The following DLGAP5 variants were observed in gnomAD, a reference collection of about 807,000 sequenced individuals.
DLGAP5 encodes the protein disks large-associated protein 5.
A neutral mutation model predicts 99.6 loss-of-function variants in DLGAP5; 90 were observed. The ratio of observed to expected loss-of-function variants is 0.90; its 90% CI spans 0.76 to 1.08. The LOEUF (loss-of-function observed/expected upper bound fraction) is 1.08. Among genes scored for constraint, DLGAP5 ranks in the 50% least tolerant of loss-of-function variants. DLGAP5 has a pLI of 0.00. For missense variants in DLGAP5, 1,036 were observed against 983.5 expected (o/e 1.05, Z -0.71); for synonymous variants, 311 against 321.3 (o/e 0.97, Z 0.34).
intron 14 of DLGAP5, among the ~76,000 whole-genome samples, chr14:55,155,379 T>C (rs1882175905): frequency 6.9e-6 from 1 of 144,522 alleles, no homozygotes; most frequent in African/African-American, 2.6e-5. Flanking sequence ...GGAGTTTCAT[T>C]CTTGTTGCCC....
intron 15 of DLGAP5, among the ~76,000 whole-genome samples, chr14:55,153,470 G>A (rs1483312498): frequency 3.3e-5 from 5 of 151,356 alleles, no homozygotes; most frequent in South Asian, 4.2e-4. Flanking sequence ...GAACCTGGGA[G>A]GCGGAGGTTG....
intron 14 of DLGAP5, among the ~76,000 whole-genome samples, chr14:55,155,435 C>T (rs1299734881): frequency 4.0e-5 from 6 of 151,564 alleles, no homozygotes; most frequent in African/African-American, 1.5e-4. Flanking sequence ...CAACCTCCGC[C>T]TCCTGGGTTC....
chr14:55,153,926 C>T (rs1214291267), intron 15 of DLGAP5, among the ~76,000 whole-genome samples: 3 of 151,602 alleles, frequency 2.0e-5, no homozygotes, highest in African/African-American at 7.3e-5. Context: ...CGTGGTGGCG[C>T]GTGTCTGTAG....
chr14:55,183,596 TAAAAGA>T lies in DLGAP5; in HGVS notation c.390_395del (p.Phe130_Leu131del). On this transcript the variant is annotated inframe_deletion, in exon 3 of 19. Transcript: ENST00000247191. ...CAGCTTTCACAGCATTCTGGTTTGA[TAAAAGA>T]AAACAAGGCATATCAGGTCTATAAC... 1 of 1,587,308 alleles carries T rather than the reference TAAAAGA, an allele frequency of 6.3e-7. No homozygotes were observed. The highest frequency in any genetic ancestry group is 1.2e-5 in the South Asian group (1 of 85,774).
intron 13 of DLGAP5, among the ~76,000 whole-genome samples, chr14:55,159,890 A>G (rs977241506): frequency 6.6e-6 from 1 of 152,202 alleles, no homozygotes; most frequent in Non-Finnish European, 1.5e-5. Context: ...GGCAAAGAAG[A>G]AGGAAATATA....
At chr14:55,181,008 A>G (rs985480179) in intron 5 of DLGAP5, among the ~76,000 whole-genome samples, 1 of 152,158 alleles carries the variant, frequency 6.6e-6, no homozygotes, top group African/African-American at 2.4e-5. Flanking sequence ...GCAGCTACTC[A>G]GGAGGCTGAG....
Position 55,177,246 on chromosome 14 carries a change from T to C in DLGAP5, c.865A>G (p.Lys289Glu). Reference protein sequence around the residue: ...SGMNPDGVLSKMENLPEINTA... With the variant: ...SGMNPDGVLSEMENLPEINTA... ...TTTATCTCAGGTAAGTTTTCCATTT[T>C]TGATAAGACTCCATCTGGATTCATT... Residue 289 changes from lysine to glutamate, a missense_variant, in exon 8 of 19, where the codon AAA becomes GAA. Transcript: ENST00000247191. The C allele has an allele frequency of 6.2e-7, 1 of 1,613,688 alleles. No individual in the cohort carries two copies. Among genetic ancestry groups the C allele is most frequent in the Non-Finnish European group, 8.5e-7 (1 of 1,179,858 alleles).
rs202195474 is a variant in DLGAP5 at position 55,173,603 on chromosome 14, C to CTATA, written c.1301+1739_1301+1742dup. ...ATATATGTTGTCTCTCTCTCTCTCT[C>CTATA]TATATATATATATACATGTTGCAGG... On this transcript the variant is annotated intron_variant, in intron 10 of 18. Transcript: ENST00000247191. 4.8e-3 allele frequency among the ~76,000 whole-genome samples: 712 copies of CTATA among 148,462 alleles called. 5 individuals are homozygous for CTATA. Among genetic ancestry groups the CTATA allele is most frequent in the South Asian group, 0.012 (58 of 4,764 alleles).
In DLGAP5 at chr14:55,158,074, T is replaced by C. The variant is rs1882276271; in HGVS notation, c.1873+448A>G. ...CAACACACACAGCACATAAGCTTCA[T>C]TTTAAAGCACAGCTAGACAAGTGTG... On this transcript the variant is annotated intron_variant, in intron 14 of 18. Transcript: ENST00000247191. Among the ~76,000 whole-genome samples the C allele has an allele frequency of 2.6e-5, 4 of 152,232 alleles. No individual in the cohort carries two copies. The South Asian group carries it at 8.3e-4, about 32-fold the overall frequency.
At chr14:55,167,273 T>C (rs1304731130) in intron 12 of DLGAP5, among the ~76,000 whole-genome samples, 1 of 145,788 alleles carries the variant, frequency 6.9e-6, no homozygotes, top group African/African-American at 2.7e-5. Context: ...AAAAAAAGAC[T>C]ATAAACAATG....
chr14:55,174,257 A>C (rs943398408), intron 10 of DLGAP5, among the ~76,000 whole-genome samples: 1 of 152,202 alleles, frequency 6.6e-6, no homozygotes, highest in Admixed American at 6.5e-5. Context: ...CTTATTAGGA[A>C]GAGGAAATTC....
At chr14:55,188,201 A>C (rs1022429662) in intron 2 of DLGAP5, among the ~76,000 whole-genome samples, 1 of 152,172 alleles carries the variant, frequency 6.6e-6, no homozygotes, top group Non-Finnish European at 1.5e-5. Flanking sequence ...ATATGAACAC[A>C]ACAAATAGGA....
At chr14:55,175,590 G>A in intron 9 of DLGAP5, 118 bp from the exon 10 acceptor site, 1 of 722,798 alleles carries the variant, frequency 1.4e-6, no homozygotes, top group Non-Finnish European at 2.2e-6. Context: ...TTTTATTTCT[G>A]CCTCAATCAC....
chr14:55,152,738 GT>G, intron 15 of DLGAP5, 91 bp from the exon 16 acceptor site: 2 of 1,105,786 alleles, frequency 1.8e-6, no homozygotes, highest in Non-Finnish European at 2.5e-6. Context: ...ATGGCAATTA[GT>G]TTAGGGAATG....
chr14:55,148,352 C>A lies in DLGAP5; in HGVS notation c.2540G>T (p.Ter847LeuextTer2). Residue 847 changes from the stop codon to leucine (L), a stop_lost, in exon 19 of 19, where the codon TGA becomes TTA. Coordinates refer to ENST00000247191, the MANE Select transcript of DLGAP5 (RefSeq NM_014750.5). ...TFSPLQPGEF[*>L] ...AAATGTTTGGATTTATTTTTAAATT[C>A]AAAATTCTCCTGGTTGTAGAGGTGA... 6.2e-7 allele frequency: 1 copy of A among 1,612,406 alleles called. No homozygotes were observed. Among genetic ancestry groups the A allele is most frequent in the East Asian group, 2.2e-5 (1 of 44,840 alleles).
At chr14:55,161,408 A>AATTTTTT (rs1555328155) in intron 13 of DLGAP5, among the ~76,000 whole-genome samples, 1 of 115,924 alleles carries the variant, frequency 8.6e-6, no homozygotes, top group African/African-American at 3.6e-5. Context: ...TAAAAAAAAA[A>AATTTTTT]TTTTTTTTTT....
At chr14:55,188,580 AG>A (rs778550602) in intron 2 of DLGAP5, among the ~76,000 whole-genome samples, 1 of 152,126 alleles carries the variant, frequency 6.6e-6, no homozygotes, top group African/African-American at 2.4e-5. Context: ...CCACAGGTAA[AG>A]GCTTTTGCCT....
intron 14 of DLGAP5, among the ~76,000 whole-genome samples, chr14:55,155,729 C>A (rs1882192857): frequency 6.6e-6 from 1 of 152,100 alleles, no homozygotes; most frequent in Non-Finnish European, 1.5e-5. Context: ...ATTTTGGAAG[C>A]TATAATGTAG....
chr14:55,177,221 T>C lies in DLGAP5; in HGVS notation c.890A>G (p.Asn297Ser). The C allele has an allele frequency of 2.5e-6, 4 of 1,613,748 alleles. No individual in the cohort carries two copies. In the South Asian group the frequency reaches 3.3e-5, roughly 13 times the overall value. The change falls in exon 8 of 19, where the codon AAT becomes AGT. Residue 297 changes from asparagine (N) to serine (S), a missense_variant. Physicochemically the swap from Asn to Ser is conservative, Grantham distance 46 (BLOSUM62 1). Coordinates refer to ENST00000247191, the MANE Select transcript of DLGAP5 (RefSeq NM_014750.5). ...ATTCTTCCCTTTTATTTTTGCAGTA[T>C]TTATCTCAGGTAAGTTTTCCATTTT... The part of the protein sequence containing the change: ...LSKMENLPEI[N>S]TAKIKGKNSF...
Sources: allele counts gnomAD v4.1 joint callset (sites outside exome capture counted in the v4.1 genomes callset), GRCh38; gene constraint gnomAD v4.1.1; transcripts MANE v1.5; gene names NCBI Gene and HGNC (gene_info 2026-07-23, HGNC 2026-07-21).